Variants in GOLPH3L observed in about 807,000 individuals in gnomAD.
The protein encoded by GOLPH3L is golgi phosphoprotein 3 like.
A neutral mutation model predicts 30.3 loss-of-function variants in GOLPH3L; 22 were observed. The observed-to-expected ratio is 0.73, with a 90% CI of 0.52 to 1.04. The LOEUF (loss-of-function observed/expected upper bound fraction) is 1.04, where lower values mean the gene tolerates loss of function less well. Among genes scored for constraint, GOLPH3L ranks in the 50% least tolerant of loss-of-function variants. The probability of loss-of-function intolerance (pLI) is 0.00; values close to 1 mark genes in which losing one functional copy is unlikely to be tolerated. For missense variants in GOLPH3L, 303 were observed against 345.8 expected, an observed-to-expected ratio of 0.88 and a Z score of 0.98; for synonymous variants, 120 against 128.2, an observed-to-expected ratio of 0.94 and a Z score of 0.43.
intron 2 of GOLPH3L, chr1:150,694,205 T>C (rs766929227): frequency 2.1e-5 from 9 of 434,266 alleles, no homozygotes; most frequent in Non-Finnish European, 2.4e-5. Context: ...AAATAAAAAA[T>C]TATTTCTGCT....
At chr1:150,681,922 C>T (rs1354279430) in intron 2 of GOLPH3L, among the ~76,000 whole-genome samples, 1 of 152,002 alleles carries the variant, frequency 6.6e-6, no homozygotes, top group African/African-American at 2.4e-5. Flanking sequence ...CAAAAATTAG[C>T]TGGGTATGTG....
At chr1:150,675,882 G>A (rs762582758) in intron 2 of GOLPH3L, among the ~76,000 whole-genome samples, 5 of 150,852 alleles carry the variant, frequency 3.3e-5, no homozygotes, top group East Asian at 3.9e-4. Context: ...GAGTCAGTAG[G>A]ATATTGTCTA....
intron 2 of GOLPH3L, among the ~76,000 whole-genome samples, chr1:150,677,693 G>C (rs995851529): frequency 4.1e-5 from 6 of 146,522 alleles, no homozygotes; most frequent in Non-Finnish European, 8.9e-5. Flanking sequence ...GTGCATAATC[G>C]TAGCTCACTG....
chr1:150,675,409 C>G (rs368859452), intron 2 of GOLPH3L, among the ~76,000 whole-genome samples: 10 of 151,988 alleles, frequency 6.6e-5, no homozygotes, highest in East Asian at 3.9e-4. Flanking sequence ...GTATGTACAA[C>G]CAAACTTTTC....
chr1:150,655,003 G>A (rs146737825), intron 4 of GOLPH3L, among the ~76,000 whole-genome samples: 1,880 of 152,282 alleles, frequency 0.012, 125 homozygotes, highest in Admixed American at 0.1. Context: ...CCAGGAGAGC[G>A]TATAGCACAG....
intron 2 of GOLPH3L, among the ~76,000 whole-genome samples, chr1:150,669,257 T>C (rs926458711): frequency 1.4e-4 from 22 of 152,324 alleles, no homozygotes; most frequent in African/African-American, 4.3e-4. Flanking sequence ...AATGTTCCCC[T>C]GTACTGTGGG....
At chr1:150,681,988 C>T (rs1368368574) in intron 2 of GOLPH3L, among the ~76,000 whole-genome samples, 1 of 151,868 alleles carries the variant, frequency 6.6e-6, no homozygotes, top group Non-Finnish European at 1.5e-5. Flanking sequence ...ATTGCTTGAA[C>T]TTGGGAGGTG....
intron 4 of GOLPH3L, among the ~76,000 whole-genome samples, chr1:150,658,202 C>T (rs1036384383): frequency 6.6e-6 from 1 of 152,212 alleles, no homozygotes; most frequent in Non-Finnish European, 1.5e-5. Flanking sequence ...ATTAGCAACA[C>T]CCGTTGAACA....
intron 2 of GOLPH3L, among the ~76,000 whole-genome samples, chr1:150,672,470 G>A (rs190880809): frequency 2.6e-5 from 4 of 151,990 alleles, no homozygotes; most frequent in East Asian, 1.9e-4. Flanking sequence ...TCAATCTATC[G>A]CCCAGGCTGG....
At chr1:150,687,260 A>G (rs587644609) in intron 2 of GOLPH3L, among the ~76,000 whole-genome samples, 5 of 152,226 alleles carry the variant, frequency 3.3e-5, no homozygotes, top group Non-Finnish European at 5.9e-5. Flanking sequence ...CAAGTTGGAC[A>G]CTGACTGACT....
At chr1:150,688,637 G>A (rs1651144466) in intron 2 of GOLPH3L, among the ~76,000 whole-genome samples, 1 of 152,128 alleles carries the variant, frequency 6.6e-6, no homozygotes, top group Admixed American at 6.5e-5. Flanking sequence ...TGTAATACCA[G>A]CTACTTGGGA....
chr1:150,680,966 C>A (rs950786572), intron 2 of GOLPH3L, among the ~76,000 whole-genome samples: 2 of 151,950 alleles, frequency 1.3e-5, no homozygotes, highest in South Asian at 4.2e-4. Flanking sequence ...ATGGTGAAAC[C>A]CTGTCTCTAC....
At chr1:150,685,382 T>C (rs1651057063) in intron 2 of GOLPH3L, among the ~76,000 whole-genome samples, 1 of 152,146 alleles carries the variant, frequency 6.6e-6, no homozygotes, top group African/African-American at 2.4e-5. Flanking sequence ...TTGTGAAACA[T>C]AATAATCTTT....
At chr1:150,665,327 C>CTT (rs72378434) in intron 2 of GOLPH3L, among the ~76,000 whole-genome samples, 4 of 145,106 alleles carry the variant, frequency 2.8e-5, no homozygotes, top group African/African-American at 1.0e-4. Flanking sequence ...TTTGGGGTTA[C>CTT]TTTTTTTTTT....
At chr1:150,670,072 C>T (rs1430556548) in intron 2 of GOLPH3L, among the ~76,000 whole-genome samples, 3 of 151,626 alleles carry the variant, frequency 2.0e-5, no homozygotes, top group Admixed American at 6.6e-5. Flanking sequence ...ACCAGCCTGG[C>T]CAACATGGTG....
intron 1 of GOLPH3L, among the ~76,000 whole-genome samples, chr1:150,695,939 T>C (rs375613907): frequency 9.8e-5 from 15 of 152,308 alleles, no homozygotes; most frequent in African/African-American, 3.1e-4. Context: ...TTTTATTCTA[T>C]GTACTACGGT....
At chr1:150,687,575 CA>C (rs879283422) in intron 2 of GOLPH3L, among the ~76,000 whole-genome samples, 5 of 132,474 alleles carry the variant, frequency 3.8e-5, no homozygotes, top group Admixed American at 7.7e-5. Context: ...AACTCTGTCT[CA>C]AAAAAAAAAC....
chr1:150,666,028 T>C (rs914320625), intron 2 of GOLPH3L, among the ~76,000 whole-genome samples: 30 of 151,202 alleles, frequency 2.0e-4, no homozygotes, highest in African/African-American at 7.2e-4. Context: ...ATCTTTCTTA[T>C]TGATTGTGGT....
chr1:150,684,839 T>C (rs587692698), intron 2 of GOLPH3L, among the ~76,000 whole-genome samples: 1 of 152,242 alleles, frequency 6.6e-6, no homozygotes, highest in African/African-American at 2.4e-5. Flanking sequence ...AGCTAATTTT[T>C]GTATTATTAG....
Sources: allele counts gnomAD v4.1 joint callset (sites outside exome capture counted in the v4.1 genomes callset), GRCh38; gene constraint gnomAD v4.1.1; transcripts MANE v1.5; gene names NCBI Gene and HGNC (gene_info 2026-07-23, HGNC 2026-07-21).